IARS2: variants seen among roughly 807,000 people sequenced by gnomAD.
IARS2 encodes isoleucine--tRNA ligase, mitochondrial.
In IARS2, 56 loss-of-function variants were observed where a neutral mutation model predicts 126.3. That is an observed-to-expected ratio of 0.44 (90% CI 0.36 to 0.55). The LOEUF is 0.55. Among genes scored for constraint, IARS2 ranks in the 20% least tolerant of loss-of-function variants. IARS2 has a pLI of 0.00. For synonymous variants in IARS2, 407 were observed against 441.1 expected, an observed-to-expected ratio of 0.92 and a Z score of 0.97; for missense variants, 1,127 against 1,245.9, an observed-to-expected ratio of 0.90 and a Z score of 1.44.
chr1:220,117,806 T>G lies in IARS2; in HGVS notation c.1640+3332T>G, dbSNP rs752877703. 5.4e-4 allele frequency: 267 copies of G among 497,364 alleles called. 2 individuals are homozygous for G. Among genetic ancestry groups the G allele is most frequent in the Non-Finnish European group, 7.4e-4 (177 of 239,782 alleles). The allele number at this position is 497,364 out of a possible 1,614,324, so 30.8% of individuals were successfully genotyped here. On this transcript the variant is annotated intron_variant, in intron 12 of 22. Transcript: ENST00000366922. Reference sequence around the variant, plus strand: ...TGGTAGTGTTACAGATTATCTTCTGTGTACCTGCCATTGCGTTGGTTGCGT... The same window carrying G: ...TGGTAGTGTTACAGATTATCTTCTGGGTACCTGCCATTGCGTTGGTTGCGT...
chr1:220,144,111 A>G (rs1197654024), intron 21 of IARS2: 1 of 899,472 alleles, frequency 1.1e-6, no homozygotes, highest in Non-Finnish European at 1.8e-6. Context: ...TGCTTTGCAC[A>G]TCAAATCTGG....
At chr1:220,115,586 T>G (rs1280006713) in intron 12 of IARS2, among the ~76,000 whole-genome samples, 1 of 151,966 alleles carries the variant, frequency 6.6e-6, no homozygotes, top group African/African-American at 2.4e-5. Flanking sequence ...AAAAATTCAT[T>G]TATTATAAGT....
At chr1:220,123,713 G>C (rs1236557544) in intron 12 of IARS2, among the ~76,000 whole-genome samples, 1 of 152,228 alleles carries the variant, frequency 6.6e-6, no homozygotes, top group South Asian at 2.1e-4. Context: ...TCCTGAGCTC[G>C]TGATCCGCCC....
intron 17 of IARS2, among the ~76,000 whole-genome samples, chr1:220,138,414 T>C (rs1657423402): frequency 6.6e-6 from 1 of 152,122 alleles, no homozygotes; most frequent in African/African-American, 2.4e-5. Flanking sequence ...GAGGTTGCAG[T>C]GAGCCGAGAT....
intron 14 of IARS2, among the ~76,000 whole-genome samples, chr1:220,129,627 T>G (rs1296797268): frequency 6.6e-6 from 1 of 152,232 alleles, no homozygotes; most frequent in African/African-American, 2.4e-5. Flanking sequence ...TATGCTTGGC[T>G]TATTTCATTT....
chr1:220,134,136 G>A (rs895945943), intron 14 of IARS2, among the ~76,000 whole-genome samples: 2 of 152,088 alleles, frequency 1.3e-5, no homozygotes, highest in Admixed American at 1.3e-4. Flanking sequence ...TCCACGTTAT[G>A]CATTTTAGGT....
Position 220,138,941 on chromosome 1 carries a change from CTT to C in IARS2, c.2176-64_2176-63del. On this transcript the variant is annotated intron_variant, in intron 17 of 22. Transcript: ENST00000366922. ...ATGACAAGAGTTAGTAATAAAATAA[CTT>C]TTCAGTGAAAATTGAAGGCACCATT... 2.9e-6 allele frequency: 4 copies of C among 1,402,542 alleles called. No individual in the cohort carries two copies. In the South Asian group the frequency reaches 3.9e-5, roughly 14 times the overall value. The allele number at this position is 1,402,542 out of a possible 1,614,324, so 86.9% of individuals were successfully genotyped here.
rs1657639212 is a variant in IARS2 at position 220,147,845 on chromosome 1, G to A, written c.*210G>A. Reference sequence around the variant, plus strand: ...TATATATACATGCAGAAATATATATGTGTGTGTGTATCTGTGGATGGATAT... The same window carrying A: ...TATATATACATGCAGAAATATATATATGTGTGTGTATCTGTGGATGGATAT... On this transcript the variant is annotated 3_prime_UTR_variant, in exon 23 of 23. Coordinates refer to ENST00000366922, the MANE Select transcript of IARS2 (RefSeq NM_018060.4). 1.8e-6 allele frequency: 1 copy of A among 549,810 alleles called. No individual in the cohort carries two copies. The allele number at this position is 549,810 out of a possible 1,614,324, so 34.1% of individuals were successfully genotyped here.
chr1:220,105,909 G>T lies in IARS2; in HGVS notation c.1085G>T (p.Gly362Val). 1 of 1,613,952 alleles carries T rather than the reference G, an allele frequency of 6.2e-7. No individual in the cohort carries two copies. The highest frequency in any genetic ancestry group is 8.5e-7 in the Non-Finnish European group (1 of 1,179,918). Residue 362 changes from glycine (G) to valine (V), a missense_variant, in exon 9 of 23, where the codon GGT becomes GTT. Physicochemically the swap from Gly to Val is moderately radical, Grantham distance 109. Coordinates refer to ENST00000366922, the MANE Select transcript of IARS2 (RefSeq NM_018060.4). Reference protein sequence around the residue: ...STLSGVDLENGTCSHPLIPDK... With the variant: ...STLSGVDLENVTCSHPLIPDK... ...CCCACAGGTGTAGATTTGGAAAATGGTACTTGCAGTCATCCATTAATTCCT... is the reference window on the plus strand; with the variant it reads ...CCCACAGGTGTAGATTTGGAAAATGTTACTTGCAGTCATCCATTAATTCCT...
chr1:220,133,459 T>C (rs1354819779), intron 14 of IARS2, among the ~76,000 whole-genome samples: 1 of 152,246 alleles, frequency 6.6e-6, no homozygotes, highest in African/African-American at 2.4e-5. Flanking sequence ...TTGATTCAGT[T>C]ATTTAAATTT....
intron 2 of IARS2, among the ~76,000 whole-genome samples, chr1:220,099,316 AACAAG>A (rs1258596515): frequency 2.6e-5 from 4 of 152,212 alleles, no homozygotes; most frequent in Non-Finnish European, 5.9e-5. Context: ...AATGAAAAGA[AACAAG>A]TGAAATTAAT....
intron 15 of IARS2, 88 bp from the exon 16 acceptor site, chr1:220,136,721 C>T (rs1015865609): frequency 2.0e-6 from 1 of 492,874 alleles, no homozygotes; most frequent in South Asian, 3.6e-5. Context: ...TTGTGTCAAA[C>T]TTAGATACTC....
intron 8 of IARS2, among the ~76,000 whole-genome samples, chr1:220,105,170 G>C (rs1271410855): frequency 2.6e-5 from 4 of 152,180 alleles, no homozygotes; most frequent in Admixed American, 1.3e-4. Flanking sequence ...AAACTCCTGG[G>C]CTCAAGCAAT....
intron 12 of IARS2, among the ~76,000 whole-genome samples, chr1:220,123,257 A>C (rs1220412687): frequency 6.6e-6 from 1 of 152,118 alleles, no homozygotes; most frequent in African/African-American, 2.4e-5. Context: ...TTATGGTCTG[A>C]TAACATAAAA....
At chr1:220,131,270 G>A (rs914249319) in intron 14 of IARS2, among the ~76,000 whole-genome samples, 3 of 151,944 alleles carry the variant, frequency 2.0e-5, no homozygotes, top group African/African-American at 4.8e-5. Flanking sequence ...TCCGCCTCCC[G>A]AGTTCTAGTG....
In IARS2 at chr1:220,143,154, T is replaced by G. The variant is rs1657523377; in HGVS notation, c.2751+20T>G. ...ATAGAGGTATGCAGCAATATGTACC[T>G]TTTGAAATGGTGTTAGTATCATAGA... is the stretch of plus-strand genomic sequence containing the variant. On this transcript the variant is annotated intron_variant, in intron 21 of 22. Transcript: ENST00000366922. The G allele has an allele frequency of 6.3e-7, 1 of 1,584,200 alleles. No homozygotes were observed. The highest frequency in any genetic ancestry group is 2.2e-5 in the East Asian group (1 of 44,590).
At chr1:220,123,824 A>G (rs543583386) in intron 12 of IARS2, among the ~76,000 whole-genome samples, 51 of 152,270 alleles carry the variant, frequency 3.3e-4, no homozygotes, top group African/African-American at 1.1e-3. Context: ...TTTCCACAAC[A>G]ATTTTTGGTA....
At chr1:220,118,088 G>T in intron 12 of IARS2, 1 of 439,190 alleles carries the variant, frequency 2.3e-6, no homozygotes, top group South Asian at 1.7e-5. Context: ...TTTTCTGCTG[G>T]AATCAAATGA....
At chr1:220,114,818 C>A (rs1656882056) in intron 12 of IARS2, among the ~76,000 whole-genome samples, 1 of 152,172 alleles carries the variant, frequency 6.6e-6, no homozygotes, top group African/African-American at 2.4e-5. Flanking sequence ...ATCACTCTCA[C>A]ATTCTGAGTC....
Sources: gnomAD v4.1 joint callset for allele counts (sites outside exome capture counted in the v4.1 genomes callset) on GRCh38, gnomAD v4.1.1 for gene constraint, MANE v1.5 for transcripts, NCBI Gene and HGNC (gene_info 2026-07-23, HGNC 2026-07-21) for gene names.